The following SPAG16 variants were observed in gnomAD, a reference collection of about 807,000 sequenced individuals.
SPAG16 encodes the protein sperm-associated antigen 16 protein.
Under a neutral mutation model 80.4 loss-of-function variants are expected in SPAG16, and 86 were observed. The observed-to-expected ratio is 1.07, with a 90% CI of 0.90 to 1.28. The LOEUF is 1.28. SPAG16 is among the 50% of genes most tolerant of loss of function. SPAG16 has a pLI of 0.00. For synonymous variants in SPAG16, 294 were observed against 265.9 expected (o/e 1.11, Z -1.03); for missense variants, 870 against 765.3 (o/e 1.14, Z -1.61).
intron 15 of SPAG16, among the ~76,000 whole-genome samples, chr2:214,358,940 T>A (rs1322109962): frequency 2.0e-5 from 3 of 151,910 alleles, no homozygotes; most frequent in Non-Finnish European, 4.4e-5. Flanking sequence ...TTCATTGATA[T>A]TAATTTGCTA....
chr2:213,912,411 T>C (rs1386143098), intron 11 of SPAG16, among the ~76,000 whole-genome samples: 1 of 152,228 alleles, frequency 6.6e-6, no homozygotes, highest in Admixed American at 6.5e-5. Flanking sequence ...TTATGTAATT[T>C]ATAAATAATA....
intron 10 of SPAG16, among the ~76,000 whole-genome samples, chr2:213,610,698 A>G (rs930152111): frequency 2.6e-5 from 4 of 152,190 alleles, no homozygotes; most frequent in African/African-American, 9.7e-5. Context: ...TTCTCCATAG[A>G]CAAAGTAGGA....
At chr2:214,397,770 A>G (rs1219624736) in intron 15 of SPAG16, among the ~76,000 whole-genome samples, 1 of 152,192 alleles carries the variant, frequency 6.6e-6, no homozygotes, top group Non-Finnish European at 1.5e-5. Context: ...AAGGCCTACA[A>G]TGTGGCTTAT....
At chr2:214,382,534 T>C (rs1184116751) in intron 15 of SPAG16, among the ~76,000 whole-genome samples, 1 of 152,162 alleles carries the variant, frequency 6.6e-6, no homozygotes, top group Non-Finnish European at 1.5e-5. Context: ...AGACTTAAGC[T>C]CTTTCACGGA....
chr2:214,308,715 C>A (rs1331998025), intron 15 of SPAG16, among the ~76,000 whole-genome samples: 1 of 151,976 alleles, frequency 6.6e-6, no homozygotes, highest in Non-Finnish European at 1.5e-5. Context: ...AATATTGGCC[C>A]CCATTCTCTT....
intron 15 of SPAG16, among the ~76,000 whole-genome samples, chr2:214,351,850 T>G (rs1698439105): frequency 6.6e-6 from 1 of 152,124 alleles, no homozygotes; most frequent in Non-Finnish European, 1.5e-5. Flanking sequence ...AAAAATATAC[T>G]GTCTTTTTCA....
intron 12 of SPAG16, among the ~76,000 whole-genome samples, chr2:214,006,072 A>G (rs1299820757): frequency 6.6e-6 from 1 of 152,228 alleles, no homozygotes; most frequent in Non-Finnish European, 1.5e-5. Context: ...TTAATATGGT[A>G]ATGAATTCTA....
At chr2:213,894,629 G>A (rs2076917247) in intron 11 of SPAG16, among the ~76,000 whole-genome samples, 1 of 152,066 alleles carries the variant, frequency 6.6e-6, no homozygotes, top group African/African-American at 2.4e-5. Context: ...AAATTTAAAA[G>A]TATCCAAATT....
chr2:214,338,381 G>T (rs1212241108), intron 15 of SPAG16, among the ~76,000 whole-genome samples: 1 of 152,042 alleles, frequency 6.6e-6, no homozygotes, highest in Non-Finnish European at 1.5e-5. Context: ...GGGCATGGTG[G>T]TGCATGCCTG....
At chr2:213,995,878 A>G (rs2046491613) in intron 12 of SPAG16, among the ~76,000 whole-genome samples, 1 of 152,208 alleles carries the variant, frequency 6.6e-6, no homozygotes, top group Non-Finnish European at 1.5e-5. Context: ...AATGCAATAG[A>G]ATGATACTAA....
At chr2:213,636,169 G>C (rs188420329) in intron 10 of SPAG16, among the ~76,000 whole-genome samples, 53 of 152,186 alleles carry the variant, frequency 3.5e-4, no homozygotes, top group Admixed American at 1.9e-3. Flanking sequence ...TCTACATGTG[G>C]CTTGCCAATT....
rs540523482 is a variant in SPAG16, at chr2:213,722,859, A to T, written c.1071-139626A>T. On this transcript the variant is annotated intron_variant, in intron 10 of 15. Coordinates refer to ENST00000331683, the MANE Select transcript of SPAG16 (RefSeq NM_024532.5). ...ATAGGTGCCCAGAATTCATAACAGG[A>T]AACTCAGTTGTTTGGGGGGCTTAGG... Among the ~76,000 whole-genome samples, 10 of 152,248 alleles carry T rather than the reference A, an allele frequency of 6.6e-5. No homozygotes were observed. In the East Asian group the frequency reaches 1.9e-3, roughly 29 times the overall value.
chr2:213,650,880 T>G (rs1300986853), intron 10 of SPAG16, among the ~76,000 whole-genome samples: 1 of 152,190 alleles, frequency 6.6e-6, no homozygotes, highest in Non-Finnish European at 1.5e-5. Flanking sequence ...TTCCATTTAT[T>G]TCCAATTAAT....
At chr2:213,974,960 A>AAC (rs1553684926) in intron 12 of SPAG16, among the ~76,000 whole-genome samples, 1 of 150,982 alleles carries the variant, frequency 6.6e-6, no homozygotes, top group Non-Finnish European at 1.5e-5. Context: ...AAAAAAAAAA[A>AAC]AAAAACACAA....
intron 10 of SPAG16, among the ~76,000 whole-genome samples, chr2:213,784,626 TAAA>T (rs71063777): frequency 1.6e-3 from 78 of 47,938 alleles, no homozygotes; most frequent in African/African-American, 2.9e-3. Context: ...CAATTATTTC[TAAA>T]AAAAAAAAAA....
intron 9 of SPAG16, among the ~76,000 whole-genome samples, chr2:213,401,415 A>G (rs944405905): frequency 2.3e-4 from 35 of 152,200 alleles, no homozygotes; most frequent in African/African-American, 8.2e-4. Context: ...GGCAATTCTT[A>G]TACATTAAAT....
intron 9 of SPAG16, among the ~76,000 whole-genome samples, chr2:213,379,658 T>C (rs1198576949): frequency 6.6e-6 from 1 of 152,208 alleles, no homozygotes; most frequent in African/African-American, 2.4e-5. Context: ...CTTTCCATGA[T>C]GGAAGAGGTC....
intron 12 of SPAG16, among the ~76,000 whole-genome samples, chr2:213,992,040 AAG>A (rs984191589): frequency 1.3e-5 from 2 of 152,104 alleles, no homozygotes; most frequent in Non-Finnish European, 2.9e-5. Context: ...CATACTCATA[AAG>A]AAAGAAAAAG....
chr2:213,415,153 C>T (rs1040183424), intron 9 of SPAG16, among the ~76,000 whole-genome samples: 1 of 152,202 alleles, frequency 6.6e-6, no homozygotes, highest in Non-Finnish European at 1.5e-5. Flanking sequence ...CAAGCTAAAG[C>T]TTGATGGGTA....
Sources: allele counts gnomAD v4.1 joint callset (sites outside exome capture counted in the v4.1 genomes callset), GRCh38; gene constraint gnomAD v4.1.1; transcripts MANE v1.5; gene names NCBI Gene and HGNC (gene_info 2026-07-23, HGNC 2026-07-21).